The following NUP205 variants were observed in gnomAD, a reference collection of about 807,000 sequenced individuals.
The protein encoded by NUP205 is nucleoporin 205.
In NUP205, 76 loss-of-function variants were observed where a neutral mutation model predicts 253.8. The observed-to-expected ratio is 0.30, with a 90% CI of 0.25 to 0.36. The LOEUF is 0.36. NUP205 is among the 10% of genes least tolerant of loss of function. NUP205 has a pLI of 1.00. For missense variants in NUP205, 2,162 were observed against 2,425.5 expected, an observed-to-expected ratio of 0.89 and a Z score of 2.28; for synonymous variants, 832 against 850.1, an observed-to-expected ratio of 0.98 and a Z score of 0.37.
rs774144308 is a variant in NUP205, at chr7:135,606,807, T to A, written c.2962T>A (p.Leu988Met). ...AIRHETRIHILNLLITSLECN... is the reference protein window; with the variant it reads ...AIRHETRIHIMNLLITSLECN... ...TCGTCATGAAACAAGAATCCACATC[T>A]TGAATCTTCTCATTACCTCTCTGGA... The change falls in exon 21 of 43, where the codon TTG becomes ATG. Residue 988 changes from leucine to methionine, a missense_variant. By Grantham distance (15) the Leu-to-Met change is conservative. This residue lies in a region of NUP205 where 1,144 missense variants were observed against 1,280.9 expected (regional missense o/e 0.89). Transcript: ENST00000285968. 1 of 1,613,822 alleles carries A rather than the reference T, an allele frequency of 6.2e-7. No individual in the cohort carries two copies. The highest frequency in any genetic ancestry group is 1.7e-5 in the Admixed American group (1 of 60,024).
rs774052237 is a variant in NUP205 at position 135,576,408 on chromosome 7, A to C, written c.482A>C (p.Glu161Ala). The change falls in exon 4 of 43, where the codon GAA becomes GCA. Residue 161 changes from glutamate to alanine, a missense_variant. Physicochemically the swap from Glu to Ala is moderately radical, Grantham distance 107. Coordinates refer to ENST00000285968, the MANE Select transcript of NUP205 (RefSeq NM_015135.3). ...QSRRGKTWTLELSPELASMTT... is the reference protein window; with the variant it reads ...QSRRGKTWTLALSPELASMTT... ...AGACGGGGAAAGACATGGACCCTAG[A>C]ACTCAGGTCTTTTTACTTCTTGGGA... 2.5e-6 allele frequency: 4 copies of C among 1,605,600 alleles called. No homozygotes were observed. The African/African-American group carries it at 5.4e-5, about 22-fold the overall frequency.
intron 38 of NUP205, 53 bp from the exon 39 acceptor site, chr7:135,643,136 AATT>A: frequency 6.6e-7 from 1 of 1,518,994 alleles, no homozygotes; most frequent in Non-Finnish European, 9.0e-7. Flanking sequence ...GGTCATTTGA[AATT>A]CATATGAAAT....
intron 10 of NUP205, among the ~76,000 whole-genome samples, chr7:135,588,371 G>A (rs1806530803): frequency 6.6e-6 from 1 of 150,602 alleles, no homozygotes; most frequent in Non-Finnish European, 1.5e-5. Context: ...TAACTCCTGA[G>A]CTCAAGTGTC....
chr7:135,648,348 T>C, intron 42 of NUP205, 56 bp from the exon 43 acceptor site: 1 of 1,424,624 alleles, frequency 7.0e-7, no homozygotes, highest in Admixed American at 2.8e-5. Context: ...AGACTTAGAA[T>C]AAAAGAAATA....
chr7:135,583,127 A>G (rs545401180), intron 7 of NUP205, among the ~76,000 whole-genome samples: 21 of 152,196 alleles, frequency 1.4e-4, no homozygotes, highest in African/African-American at 4.8e-4. Flanking sequence ...ATGAAATACT[A>G]CAAATCATAT....
intron 1 of NUP205, among the ~76,000 whole-genome samples, chr7:135,570,029 T>TTATATATA (rs145414092): frequency 4.3e-4 from 42 of 98,558 alleles, no homozygotes; most frequent in East Asian, 1.8e-3. Context: ...TGTTTATGTT[T>TTATATATA]TATATATATA....
intron 32 of NUP205, among the ~76,000 whole-genome samples, chr7:135,625,622 G>A (rs945042528): frequency 8.5e-5 from 13 of 152,298 alleles, no homozygotes; most frequent in Non-Finnish European, 1.5e-4. Context: ...AGTGCTCCGT[G>A]AGGACAGAGC....
At chr7:135,591,009 G>A (rs551091745) in intron 10 of NUP205, among the ~76,000 whole-genome samples, 33 of 152,290 alleles carry the variant, frequency 2.2e-4, no homozygotes, top group South Asian at 1.0e-3. Flanking sequence ...GTATGGGAAC[G>A]TGGCATTGGT....
At chr7:135,577,237 T>G (rs1806176683) in intron 5 of NUP205, 109 bp downstream of exon 5, 1 of 1,046,408 alleles carries the variant, frequency 9.6e-7, no homozygotes, top group African/African-American at 1.6e-5. Flanking sequence ...GCTGATACCA[T>G]GCCTGATTGC....
At chr7:135,632,566 G>A (rs1055853109) in intron 35 of NUP205, among the ~76,000 whole-genome samples, 6 of 148,162 alleles carry the variant, frequency 4.0e-5, no homozygotes, top group Non-Finnish European at 7.5e-5. Flanking sequence ...CCTCTGGGTT[G>A]AGAGACGTTG....
chr7:135,631,756 C>CTTT (rs58118999), intron 35 of NUP205, among the ~76,000 whole-genome samples: 5 of 141,282 alleles, frequency 3.5e-5, no homozygotes, highest in Non-Finnish European at 3.0e-5. Flanking sequence ...TTCTTTCTTT[C>CTTT]TTTTTTTTTT....
intron 2 of NUP205, among the ~76,000 whole-genome samples, chr7:135,572,021 C>T (rs986555867): frequency 1.3e-5 from 2 of 152,174 alleles, no homozygotes; most frequent in South Asian, 2.1e-4. Flanking sequence ...TGTGTGCCAC[C>T]GTGCCCAGCT....
intron 20 of NUP205, 90 bp from the exon 21 acceptor site, chr7:135,606,661 T>G: frequency 6.4e-6 from 6 of 935,302 alleles, no homozygotes; most frequent in South Asian, 1.5e-5. Flanking sequence ...AAAGAAAACA[T>G]GGAGTTGGAA....
chr7:135,569,973 T>G (rs1162631512), intron 1 of NUP205, among the ~76,000 whole-genome samples: 14 of 150,488 alleles, frequency 9.3e-5, no homozygotes, highest in Non-Finnish European at 1.5e-5. Context: ...TGTGTTTTCC[T>G]TAGTTTATCT....
chr7:135,580,320 T>C, intron 7 of NUP205, among the ~76,000 whole-genome samples: 1 of 152,212 alleles, frequency 6.6e-6, no homozygotes, highest in Non-Finnish European at 1.5e-5. Flanking sequence ...TATATCTAAA[T>C]GCTGATAGCG....
At chr7:135,627,784 CTA>C (rs1450685393) in intron 33 of NUP205, among the ~76,000 whole-genome samples, 187 bp from the exon 34 acceptor site, 3 of 152,234 alleles carry the variant, frequency 2.0e-5, no homozygotes, top group South Asian at 4.1e-4. Context: ...TTTTTACTAA[CTA>C]AGCTATGAGT....
rs111531618 is a variant in NUP205 at position 135,618,779 on chromosome 7, C to T, written c.3963+176C>T. Among the ~76,000 whole-genome samples, 409 of 152,226 alleles carry T rather than the reference C, an allele frequency of 2.7e-3. 2 individuals carry two copies. The highest frequency in any genetic ancestry group is 7.5e-3 in the South Asian group (36 of 4,820). On this transcript the variant is annotated intron_variant, in intron 28 of 42. Transcript: ENST00000285968. ...AATTCTGTACAGTAGTGGCTCTCAA[C>T]CAGAGTGTGTGTCTGAGTTATCTCG...
intron 13 of NUP205, 21 bp downstream of exon 13, chr7:135,594,750 A>G: frequency 1.3e-6 from 2 of 1,575,804 alleles, no homozygotes; most frequent in Non-Finnish European, 8.6e-7. Context: ...GAAGTCCCTT[A>G]TTTATATTAT....
chr7:135,558,259 C>T (rs1465312564), intron 1 of NUP205: 3 of 460,146 alleles, frequency 6.5e-6, no homozygotes, highest in African/African-American at 2.0e-5. Context: ...GTCCCCCTCA[C>T]CCCCAAGTTT....
Sources: gnomAD v4.1 joint callset for allele counts (sites outside exome capture counted in the v4.1 genomes callset) on GRCh38, gnomAD v4.1.1 for gene constraint, gnomAD v4.1.1 regional missense constraint, MANE v1.5 for transcripts, NCBI Gene and HGNC (gene_info 2026-07-23, HGNC 2026-07-21) for gene names.